Variants in MCTP2 observed in about 807,000 individuals in gnomAD.
The protein encoded by MCTP2 is multiple C2 and transmembrane domain containing 2, also known as multiple C2 and transmembrane domain-containing protein 2.
A neutral mutation model predicts 111.6 loss-of-function variants in MCTP2; 132 were observed. The observed-to-expected ratio is 1.18, with a 90% confidence interval of 1.03 to 1.37. The LOEUF (loss-of-function observed/expected upper bound fraction) is 1.37, where lower values mean the gene tolerates loss of function less well. Among genes scored for constraint, MCTP2 ranks in the 40% most tolerant of loss-of-function variants. MCTP2 has a pLI of 0.00. For synonymous variants in MCTP2, 395 were observed against 387.7 expected (o/e 1.02, Z -0.22); for missense variants, 1,183 against 1,067.9 (o/e 1.11, Z -1.50).
intron 4 of MCTP2, among the ~76,000 whole-genome samples, 185 bp downstream of exon 4, chr15:94,315,822 C>T (rs294550): frequency 0.51 from 77,870 of 152,030 alleles, 20,263 homozygotes; most frequent in East Asian, 0.61. Flanking sequence ...ACCTTACTAT[C>T]CTTCTTTATT....
intron 20 of MCTP2, among the ~76,000 whole-genome samples, chr15:94,466,749 A>G (rs1346615738): frequency 1.3e-5 from 2 of 152,090 alleles, no homozygotes; most frequent in African/African-American, 2.4e-5. Flanking sequence ...TACCTCCAAG[A>G]GTTCTTGCAG....
intron 1 of MCTP2, among the ~76,000 whole-genome samples, chr15:94,242,346 T>C (rs2071030655): frequency 6.6e-6 from 1 of 152,154 alleles, no homozygotes; most frequent in Non-Finnish European, 1.5e-5. Flanking sequence ...GTAGACTGCC[T>C]TGCACATAAC....
At chr15:94,467,142 G>A (rs2073414418) in intron 20 of MCTP2, among the ~76,000 whole-genome samples, 3 of 152,172 alleles carry the variant, frequency 2.0e-5, no homozygotes, top group Non-Finnish European at 1.5e-5. Flanking sequence ...TCCTGTTTTA[G>A]AGATGGGAAA....
chr15:94,442,390 C>T (rs898014628), intron 18 of MCTP2, among the ~76,000 whole-genome samples: 2 of 152,176 alleles, frequency 1.3e-5, no homozygotes, highest in African/African-American at 4.8e-5. Context: ...GTTTCCTTCC[C>T]TCACCTGCCC....
intron 8 of MCTP2, among the ~76,000 whole-genome samples, chr15:94,345,730 G>A (rs2077943572): frequency 6.6e-6 from 1 of 152,102 alleles, no homozygotes; most frequent in Admixed American, 6.5e-5. Flanking sequence ...AATTTATGAA[G>A]TTATTAAAGT....
intron 14 of MCTP2, among the ~76,000 whole-genome samples, chr15:94,394,632 G>A (rs549170848): frequency 6.6e-6 from 1 of 152,146 alleles, no homozygotes; most frequent in African/African-American, 2.4e-5. Flanking sequence ...AGGTGTGGTG[G>A]CATGTGCCTG....
At chr15:94,324,453 G>T (rs8024632) in intron 4 of MCTP2, among the ~76,000 whole-genome samples, 78,047 of 152,144 alleles carry the variant, frequency 0.51, 20,238 homozygotes, top group East Asian at 0.69. Context: ...AAAAGTTAAT[G>T]GAAGTTCGCT....
intron 12 of MCTP2, 62 bp from the exon 13 acceptor site, chr15:94,383,960 C>A: frequency 8.4e-7 from 1 of 1,196,298 alleles, no homozygotes; most frequent in Non-Finnish European, 1.2e-6. Flanking sequence ...CTCTTGTTCA[C>A]ATTGCCCTTG....
At chr15:94,306,211 A>G (rs2075871974) in intron 2 of MCTP2, among the ~76,000 whole-genome samples, 1 of 152,210 alleles carries the variant, frequency 6.6e-6, no homozygotes, top group Non-Finnish European at 1.5e-5. Context: ...AGAGAGTAAT[A>G]CAGATTAGTT....
chr15:94,399,961 G>A lies in MCTP2; in HGVS notation c.1931G>A (p.Arg644His), dbSNP rs760560583. 43 of 1,613,886 alleles carry A rather than the reference G, an allele frequency of 2.7e-5. No individual in the cohort carries two copies. The highest frequency in any genetic ancestry group is 3.3e-5 in the Admixed American group (2 of 59,998). ...AGGACTTTTACTCCCCGGGAAAAGC[G>A]CTTTGTTGAAGACAGCCGCAAGCTG... ...SIRTFTPREK[R>H]FVEDSRKLSK... The change falls in exon 16 of 23, where the codon CGC becomes CAC. Residue 644 changes from arginine (R) to histidine (H), a missense_variant. Physicochemically the swap from Arg to His is conservative, Grantham distance 29. Transcript: ENST00000357742.
At chr15:94,370,607 G>A (rs34436474) in intron 12 of MCTP2, among the ~76,000 whole-genome samples, 9,508 of 152,192 alleles carry the variant, frequency 0.062, 500 homozygotes, top group South Asian at 0.11. Context: ...GCACCTCATC[G>A]TAATAATGAC....
chr15:94,359,118 T>C (rs2078783241), intron 10 of MCTP2, among the ~76,000 whole-genome samples: 1 of 152,126 alleles, frequency 6.6e-6, no homozygotes, highest in Non-Finnish European at 1.5e-5. Flanking sequence ...TGAACAATAA[T>C]ATCAATATTA....
intron 1 of MCTP2, among the ~76,000 whole-genome samples, chr15:94,273,098 G>A (rs138649152): frequency 6.6e-6 from 1 of 152,296 alleles, no homozygotes; most frequent in Non-Finnish European, 1.5e-5. Flanking sequence ...ACTCAATAGT[G>A]ACATACCGTC....
chr15:94,430,373 CAAA>C (rs754642193), intron 17 of MCTP2, among the ~76,000 whole-genome samples: 23 of 140,572 alleles, frequency 1.6e-4, no homozygotes, highest in Admixed American at 1.1e-3. Context: ...AAAAAACAAA[CAAA>C]AAAAACCCAA....
At chr15:94,243,284 T>C (rs2071215517) in intron 1 of MCTP2, among the ~76,000 whole-genome samples, 1 of 149,344 alleles carries the variant, frequency 6.7e-6, no homozygotes, top group Admixed American at 6.6e-5. Flanking sequence ...TACATACGTA[T>C]GCGTATATGC....
intron 4 of MCTP2, among the ~76,000 whole-genome samples, chr15:94,335,663 G>C (rs577612858): frequency 6.6e-6 from 1 of 152,246 alleles, no homozygotes; most frequent in Admixed American, 6.5e-5. Context: ...AGTATTGTTT[G>C]TACTAGTTAA....
intron 1 of MCTP2, among the ~76,000 whole-genome samples, chr15:94,262,118 A>T (rs2073221421): frequency 6.6e-6 from 1 of 152,202 alleles, no homozygotes; most frequent in Admixed American, 6.5e-5. Context: ...ATCTTTAAAT[A>T]ATTAAAAAAT....
At chr15:94,344,722 G>A (rs62016099) in intron 7 of MCTP2, among the ~76,000 whole-genome samples, 84 of 152,072 alleles carry the variant, frequency 5.5e-4, no homozygotes, top group Non-Finnish European at 1.0e-3. Context: ...TAAAACTATG[G>A]AAACCTAAAC....
intron 1 of MCTP2, among the ~76,000 whole-genome samples, chr15:94,239,006 G>A (rs1349456247): frequency 7.2e-6 from 1 of 138,414 alleles, no homozygotes; most frequent in Admixed American, 7.3e-5. Flanking sequence ...GGAGTTGACC[G>A]TGAAAAAAAA....
Sources: allele counts gnomAD v4.1 joint callset (sites outside exome capture counted in the v4.1 genomes callset), GRCh38; gene constraint gnomAD v4.1.1; transcripts MANE v1.5; gene names NCBI Gene and HGNC (gene_info 2026-07-23, HGNC 2026-07-21).